NRXN1: variants seen among roughly 807,000 people sequenced by gnomAD.
NRXN1 encodes neurexin 1.
Under a neutral mutation model 150.9 loss-of-function variants are expected in NRXN1, and 39 were observed. That is an observed-to-expected ratio of 0.26 (90% CI 0.20 to 0.34). NRXN1 has a LOEUF of 0.34. Among genes scored for constraint, NRXN1 ranks in the 10% least tolerant of loss-of-function variants. The pLI is 1.00. For synonymous variants in NRXN1, 924 were observed against 757.0 expected (o/e 1.22, Z -3.62); for missense variants, 1,815 against 1,949.9 (o/e 0.93, Z 1.30).
intron 5 of NRXN1, among the ~76,000 whole-genome samples, chr2:50,739,731 T>C (rs1359063543): frequency 6.6e-6 from 1 of 152,200 alleles, no homozygotes; most frequent in African/African-American, 2.4e-5. Context: ...TTCATTATTT[T>C]ATAGGAAGTA....
At chr2:51,030,301 T>A (rs774668214) in intron 1 of NRXN1, among the ~76,000 whole-genome samples, 5 of 151,450 alleles carry the variant, frequency 3.3e-5, no homozygotes, top group Non-Finnish European at 5.9e-5. Context: ...ACCCCAAATT[T>A]ATTGTCTGGA....
Position 50,638,498 on chromosome 2 carries a change from T to C in NRXN1, c.833-14883A>G, listed in dbSNP as rs576842369. Reference sequence around the variant, plus strand: ...TTGTCACTACTTAGTTTGGAAGCAATTTCATTGGTTAGAGAACATTCTGGC... The same window carrying C: ...TTGTCACTACTTAGTTTGGAAGCAACTTCATTGGTTAGAGAACATTCTGGC... On this transcript the variant is annotated intron_variant, in intron 5 of 22. Coordinates refer to ENST00000401669, the MANE Select transcript of NRXN1 (RefSeq NM_001330078.2). Among the ~76,000 whole-genome samples the C allele has an allele frequency of 5.9e-5, 9 of 152,252 alleles. No individual in the cohort carries two copies. In the South Asian group the frequency reaches 1.9e-3, roughly 32 times the overall value.
At position 49,921,790 on chromosome 2, in the gene NRXN1, C is replaced by G. The variant is rs201726089; in HGVS notation, c.*154G>C. ...TTTTGAGAAACAAGAGCATGAGATA[C>G]TTGTTTTTATTTTTTAAAAAGTCTT... On this transcript the variant is annotated 3_prime_UTR_variant, in exon 23 of 23. Transcript: ENST00000401669. 1.3e-5 allele frequency: 10 copies of G among 783,620 alleles called. No individual in the cohort carries two copies. The highest frequency in any genetic ancestry group is 2.0e-5 in the Non-Finnish European group (10 of 509,576). The allele number at this position is 783,620 out of a possible 1,614,324, so 48.5% of individuals were successfully genotyped here.
Position 50,364,237 on chromosome 2 carries a change from A to T in NRXN1, c.3364+101205T>A, listed in dbSNP as rs552668501. ...ACACGTATCCCAGAACTTAAAGTAT[A>T]ATTTTAAAAAATTAGCAAACACCAG... On this transcript the variant is annotated intron_variant, in intron 17 of 22. Coordinates refer to ENST00000401669, the MANE Select transcript of NRXN1 (RefSeq NM_001330078.2). Among the ~76,000 whole-genome samples, 71 of 152,338 alleles carry T rather than the reference A, an allele frequency of 4.7e-4. 1 individual carries two copies. The highest frequency in any genetic ancestry group is 1.6e-3 in the African/African-American group (68 of 41,580).
At chr2:50,476,932 T>G (rs1366612786) in intron 15 of NRXN1, among the ~76,000 whole-genome samples, 2 of 152,138 alleles carry the variant, frequency 1.3e-5, no homozygotes, top group African/African-American at 2.4e-5. Context: ...AGGTTGTCAG[T>G]TCCAGACTAA....
intron 13 of NRXN1, among the ~76,000 whole-genome samples, chr2:50,501,712 A>AC (rs1004801188): frequency 1.3e-5 from 2 of 151,756 alleles, no homozygotes; most frequent in Non-Finnish European, 2.9e-5. Flanking sequence ...GTGACTTCCC[A>AC]CTTAGGGATT....
At chr2:50,157,039 G>A (rs573883637) in intron 18 of NRXN1, among the ~76,000 whole-genome samples, 13 of 152,094 alleles carry the variant, frequency 8.5e-5, no homozygotes, top group Admixed American at 3.9e-4. Context: ...ATCTTCTTAA[G>A]TAGGTGTTAT....
At chr2:50,077,903 G>C (rs559970775) in intron 19 of NRXN1, among the ~76,000 whole-genome samples, 4 of 151,876 alleles carry the variant, frequency 2.6e-5, no homozygotes, top group African/African-American at 7.2e-5. Flanking sequence ...TCAACTTTGC[G>C]GGGAGGGGTA....
chr2:50,352,515 G>C (rs1180594756), intron 17 of NRXN1, among the ~76,000 whole-genome samples: 2 of 151,918 alleles, frequency 1.3e-5, no homozygotes, highest in East Asian at 3.9e-4. Flanking sequence ...TTAAAAATGA[G>C]AAGAGTGTCG....
chr2:50,605,960 C>T (rs1369525591), intron 8 of NRXN1, among the ~76,000 whole-genome samples: 2 of 151,812 alleles, frequency 1.3e-5, no homozygotes, highest in South Asian at 2.1e-4. Flanking sequence ...AAAATTATTC[C>T]GCCTTAAAAA....
chr2:50,095,773 T>TA (rs2152703330), intron 18 of NRXN1, among the ~76,000 whole-genome samples: 1 of 151,020 alleles, frequency 6.6e-6, no homozygotes, highest in East Asian at 2.0e-4. Flanking sequence ...ACTTTTTTTT[T>TA]TTTTAATTTT....
At chr2:50,209,324 G>A (rs1391297768) in intron 18 of NRXN1, among the ~76,000 whole-genome samples, 2 of 152,066 alleles carry the variant, frequency 1.3e-5, no homozygotes, top group Non-Finnish European at 2.9e-5. Flanking sequence ...CTAATTCAAG[G>A]CATTAACATA....
chr2:50,376,429 G>A (rs1016766595), intron 17 of NRXN1, among the ~76,000 whole-genome samples: 4 of 151,312 alleles, frequency 2.6e-5, no homozygotes, highest in South Asian at 2.1e-4. Context: ...CTTAAACTCC[G>A]CAATGTATTT....
chr2:49,947,561 T>C lies in NRXN1; in HGVS notation c.4129-3770A>G, dbSNP rs1263668860. On this transcript the variant is annotated intron_variant, in intron 21 of 22. Transcript: ENST00000401669. Reference sequence around the variant, plus strand: ...AGATAAGGTTCCAGCTCAGTCTCACTGTGTTACCCAGGCTGATCTAGAACT... The same window carrying C: ...AGATAAGGTTCCAGCTCAGTCTCACCGTGTTACCCAGGCTGATCTAGAACT... 2.1e-5 allele frequency among the ~76,000 whole-genome samples: 3 copies of C among 145,958 alleles called. No individual in the cohort carries two copies. The East Asian group carries it at 6.3e-4, about 30-fold the overall frequency.
chr2:50,113,183 G>A (rs1264550187), intron 18 of NRXN1, among the ~76,000 whole-genome samples: 1 of 152,078 alleles, frequency 6.6e-6, no homozygotes, highest in Non-Finnish European at 1.5e-5. Context: ...ATCACAGTAG[G>A]TACTTAATAA....
At chr2:50,753,769 G>T (rs544245891) in intron 5 of NRXN1, among the ~76,000 whole-genome samples, 1 of 151,788 alleles carries the variant, frequency 6.6e-6, no homozygotes, top group South Asian at 2.1e-4. Context: ...AGTATGAAAC[G>T]ATTATATCAT....
chr2:50,310,727 C>T (rs2152963119), intron 17 of NRXN1, among the ~76,000 whole-genome samples: 1 of 152,150 alleles, frequency 6.6e-6, no homozygotes, highest in Admixed American at 6.5e-5. Flanking sequence ...TAAAATATGT[C>T]TAGGTATATG....
At chr2:50,250,854 C>T (rs1284096072) in intron 17 of NRXN1, among the ~76,000 whole-genome samples, 4 of 151,132 alleles carry the variant, frequency 2.6e-5, no homozygotes, top group African/African-American at 2.4e-5. Context: ...TACATAGGTA[C>T]ATGTGTGCCA....
chr2:50,168,096 T>C (rs1428719442), intron 18 of NRXN1, among the ~76,000 whole-genome samples: 2 of 152,164 alleles, frequency 1.3e-5, no homozygotes, highest in African/African-American at 4.8e-5. Context: ...AATTAAATCT[T>C]CCTCTTAATA....
Sources: gnomAD v4.1 joint callset for allele counts (sites outside exome capture counted in the v4.1 genomes callset) on GRCh38, gnomAD v4.1.1 for gene constraint, MANE v1.5 for transcripts, NCBI Gene and HGNC (gene_info 2026-07-23, HGNC 2026-07-21) for gene names.